Variants in MVP observed in about 807,000 individuals in gnomAD.
MVP encodes the protein major vault protein.
Under a neutral mutation model 83.5 loss-of-function variants are expected in MVP, and 62 were observed. The ratio of observed to expected loss-of-function variants is 0.74; its 90% CI spans 0.61 to 0.92. MVP has a LOEUF of 0.92. Ranked by LOEUF, MVP falls within the 40% of genes least tolerant of loss-of-function variation. MVP has a pLI of 0.00. For synonymous variants in MVP, 505 were observed against 504.1 expected, an observed-to-expected ratio of 1.00 and a Z score of -0.02; for missense variants, 1,000 against 1,203.4, an observed-to-expected ratio of 0.83 and a Z score of 2.50.
intron 5 of MVP, chr16:29,834,726 C>T (rs1351601946): frequency 1.3e-5 from 2 of 151,338 alleles, no homozygotes; most frequent in East Asian, 3.9e-4. Context: ...CTTGCTGTTG[C>T]CCAGGTTGGA....
rs555522572 is a variant in MVP at position 29,823,719 on chromosome 16, G to A, written c.-36+3209G>A. 2.0e-5 allele frequency among the ~76,000 whole-genome samples: 3 copies of A among 151,980 alleles called. No individual in the cohort carries two copies. In the South Asian group the frequency reaches 6.2e-4, roughly 32 times the overall value. ...ATACAAAAAAAATTAGCTAGGCGTGGTGGTGGGTGCCTGTAATCCCAGCTG... is the reference window on the plus strand; with the variant it reads ...ATACAAAAAAAATTAGCTAGGCGTGATGGTGGGTGCCTGTAATCCCAGCTG... On this transcript the variant is annotated intron_variant, in intron 1 of 14. Coordinates refer to ENST00000357402, the MANE Select transcript of MVP (RefSeq NM_005115.5).
rs528459773 is a variant in MVP, at chr16:29,837,429, A to G, written c.909+471A>G. ...ATGGCAAGTACTTGTGTATCTAGCCATAGAAAAGGTAAGGTAAAAATACAA... is the reference window on the plus strand; with the variant it reads ...ATGGCAAGTACTTGTGTATCTAGCCGTAGAAAAGGTAAGGTAAAAATACAA... On this transcript the variant is annotated intron_variant, in intron 7 of 14. Coordinates refer to ENST00000357402, the MANE Select transcript of MVP (RefSeq NM_005115.5). Among the ~76,000 whole-genome samples, 140 of 152,326 alleles carry G rather than the reference A, an allele frequency of 9.2e-4. 1 individual carries two copies. Among genetic ancestry groups the G allele is most frequent in the African/African-American group, 3.2e-3 (132 of 41,578 alleles).
At chr16:29,826,206 C>T (rs2067403699) in intron 1 of MVP, 1 of 152,250 alleles carries the variant, frequency 6.6e-6, no homozygotes, top group Non-Finnish European at 1.5e-5. Context: ...AAGAGCCAGG[C>T]TCTGTTCCCA....
chr16:29,843,544 G>A (rs1262978011), intron 10 of MVP, among the ~76,000 whole-genome samples: 14 of 39,764 alleles, frequency 3.5e-4, no homozygotes, highest in Non-Finnish European at 6.4e-4. Flanking sequence ...GAGGAAGGGA[G>A]GAAGGGAGGG....
intron 1 of MVP, among the ~76,000 whole-genome samples, chr16:29,823,122 C>CTTTTCTTTTCT (rs2067377106): frequency 1.0e-5 from 1 of 98,484 alleles, no homozygotes; most frequent in Non-Finnish European, 1.9e-5. Context: ...CTTTTCTTTT[C>CTTTTCTTTTCT]TTTTTTTTTT....
At chr16:29,822,103 T>A (rs1006359609) in intron 1 of MVP, among the ~76,000 whole-genome samples, 9 of 150,894 alleles carry the variant, frequency 6.0e-5, no homozygotes, top group African/African-American at 2.0e-4. Flanking sequence ...TTTTTTTTTT[T>A]AAAGAATTAT....
chr16:29,834,682 C>G (rs2067470677), intron 5 of MVP: 1 of 141,256 alleles, frequency 7.1e-6, no homozygotes, highest in Admixed American at 7.2e-5. Flanking sequence ...ACCATTCCCA[C>G]TTTTTTTTTT....
intron 3 of MVP, 44 bp downstream of exon 3, chr16:29,831,117 C>G: frequency 1.3e-6 from 2 of 1,570,340 alleles, no homozygotes; most frequent in Non-Finnish European, 1.7e-6. Flanking sequence ...TACCTGTCCT[C>G]CACCTGCCTT....
intron 2 of MVP, 81 bp downstream of exon 2, chr16:29,830,755 C>T: frequency 1.3e-6 from 2 of 1,582,646 alleles, no homozygotes; most frequent in East Asian, 2.2e-5. Context: ...TTATCCTCCT[C>T]CCTCTTCCCA....
chr16:29,833,912 T>C, intron 4 of MVP, 23 bp from the exon 5 acceptor site: 7 of 1,614,142 alleles, frequency 4.3e-6, no homozygotes, highest in Admixed American at 3.3e-5. Flanking sequence ...TGATACCTTC[T>C]GACCATCACC....
chr16:29,844,400 A>G, intron 10 of MVP, 93 bp from the exon 11 acceptor site: 2 of 1,477,212 alleles, frequency 1.4e-6, no homozygotes. Flanking sequence ...GGAGTTCAAG[A>G]CCAGCCTGGG....
intron 10 of MVP, 69 bp downstream of exon 10, chr16:29,842,181 G>A: frequency 6.7e-7 from 1 of 1,487,034 alleles, no homozygotes; most frequent in Non-Finnish European, 9.0e-7. Flanking sequence ...TGAGGTGGGA[G>A]GATCACTTGA....
At chr16:29,846,578 C>T (rs967794930) in intron 13 of MVP, among the ~76,000 whole-genome samples, 2 of 152,220 alleles carry the variant, frequency 1.3e-5, no homozygotes, top group Admixed American at 6.5e-5. Flanking sequence ...CATTAAGAGG[C>T]CGGGTGCAGT....
At chr16:29,821,866 C>A (rs559264344) in intron 1 of MVP, among the ~76,000 whole-genome samples, 17 of 152,306 alleles carry the variant, frequency 1.1e-4, no homozygotes, top group Non-Finnish European at 1.6e-4. Context: ...GAGGCTCTCT[C>A]CCGGAAACTT....
At chr16:29,825,633 C>T (rs1382418973) in intron 1 of MVP, among the ~76,000 whole-genome samples, 1 of 152,130 alleles carries the variant, frequency 6.6e-6, no homozygotes, top group East Asian at 1.9e-4. Flanking sequence ...TTGCCGAGGG[C>T]TTGGCCTCAG....
intron 11 of MVP, among the ~76,000 whole-genome samples, chr16:29,845,256 T>C (rs1219998925): frequency 6.7e-6 from 1 of 149,856 alleles, no homozygotes; most frequent in African/African-American, 2.5e-5. Context: ...CCATCTTGCA[T>C]GTGATAAAAC....
rs771322173 is a variant in MVP, at chr16:29,830,977, T to A, written c.225T>A (p.Phe75Leu). Residue 75 changes from phenylalanine to leucine, a missense_variant, in exon 3 of 15, where the codon TTT (phenylalanine) becomes TTA (leucine). Phe to Leu is a conservative substitution (Grantham distance 22). Coordinates refer to ENST00000357402, the MANE Select transcript of MVP (RefSeq NM_005115.5). ...VSRDAQGLVL[F>L]DVTGQVRLRH... ...GGGATGCCCAGGGCTTGGTGCTGTT[T>A]GATGTCACAGGGCAAGTTCGGCTTC... 6.8e-6 allele frequency: 11 copies of A among 1,614,058 alleles called. No individual in the cohort carries two copies. The East Asian group carries it at 8.9e-5, about 13-fold the overall frequency.
chr16:29,839,119 C>G (rs1182018937), intron 7 of MVP, among the ~76,000 whole-genome samples: 1 of 151,764 alleles, frequency 6.6e-6, no homozygotes, highest in African/African-American at 2.4e-5. Context: ...ACCTGGAAGA[C>G]AGTAGTTGCA....
rs2067580229 is a variant in MVP at position 29,845,878 on chromosome 16, A to G, written c.2037A>G (p.Arg679=). Residue 679 remains arginine (R), a synonymous_variant, in exon 12 of 15, where the codon AGA becomes AGG. Coordinates refer to ENST00000357402, the MANE Select transcript of MVP (RefSeq NM_005115.5). ...TCTCCTCCAGGCATGAGGCTCAGAG[A>G]CTGGAGCAGGAAGCCCGCGGCCGGC... ...QEAAAKHEAQ[R]LEQEARGRLE... 1.9e-6 allele frequency: 3 copies of G among 1,613,916 alleles called. No individual in the cohort carries two copies. Among genetic ancestry groups the G allele is most frequent in the Non-Finnish European group, 2.5e-6 (3 of 1,179,888 alleles).
Sources: allele counts gnomAD v4.1 joint callset (sites outside exome capture counted in the v4.1 genomes callset), GRCh38; gene constraint gnomAD v4.1.1; transcripts MANE v1.5; gene names NCBI Gene and HGNC (gene_info 2026-07-23, HGNC 2026-07-21).